AHI1: variants seen among roughly 807,000 people sequenced by gnomAD.
AHI1 encodes the protein jouberin.
AHI1 carries 123 observed loss-of-function variants against 149.3 expected under a neutral mutation model. That is an observed-to-expected ratio of 0.82 (90% CI 0.71 to 0.96). AHI1 has a LOEUF of 0.96. Ranked by LOEUF, AHI1 falls within the 40% of genes least tolerant of loss-of-function variation. The pLI is 0.00. For missense variants in AHI1, 1,439 were observed against 1,422.7 expected (o/e 1.01, Z -0.18); for synonymous variants, 475 against 459.8 (o/e 1.03, Z -0.42).
intron 23 of AHI1, among the ~76,000 whole-genome samples, chr6:135,366,533 C>T (rs759731749): frequency 6.6e-6 from 1 of 152,114 alleles, no homozygotes; most frequent in Non-Finnish European, 1.5e-5. Flanking sequence ...ATATTTCCAG[C>T]AATTTATCTA....
chr6:135,472,017 T>TAAAAAAAA (rs1791799145), intron 5 of AHI1, among the ~76,000 whole-genome samples: 1 of 14,234 alleles, frequency 7.0e-5, no homozygotes, highest in Non-Finnish European at 1.0e-4. Context: ...AGACTCCGTC[T>TAAAAAAAA]CAAAAAAAAA....
At chr6:135,371,319 C>T (rs1277358524) in intron 23 of AHI1, among the ~76,000 whole-genome samples, 1 of 152,136 alleles carries the variant, frequency 6.6e-6, no homozygotes, top group African/African-American at 2.4e-5. Context: ...ATCTTGGTTG[C>T]CTATATGTTA....
intron 20 of AHI1, among the ~76,000 whole-genome samples, chr6:135,418,762 T>C (rs975104921): frequency 1.3e-5 from 2 of 152,086 alleles, no homozygotes; most frequent in African/African-American, 4.8e-5. Context: ...TTTCATTATA[T>C]ATAGCCCTGT....
chr6:135,463,436 G>A, intron 7 of AHI1, 130 bp from the exon 8 acceptor site: 1 of 718,840 alleles, frequency 1.4e-6, no homozygotes, highest in Non-Finnish European at 2.1e-6. Context: ...TCTCTTGAGA[G>A]ATGCATGTAT....
At chr6:135,489,502 C>A (rs1020410497) in intron 5 of AHI1, among the ~76,000 whole-genome samples, 12 of 152,138 alleles carry the variant, frequency 7.9e-5, no homozygotes, top group Non-Finnish European at 1.8e-4. Flanking sequence ...TTTTGCCCAA[C>A]ATAAACCACT....
chr6:135,309,483 G>GT (rs534230013), intron 26 of AHI1, among the ~76,000 whole-genome samples: 2,321 of 139,520 alleles, frequency 0.017, 32 homozygotes, highest in South Asian at 0.047. Flanking sequence ...AAGCACTTTA[G>GT]TTTTTTTTTT....
At chr6:135,333,941 A>G (rs1379347373) in intron 24 of AHI1, among the ~76,000 whole-genome samples, 1 of 152,260 alleles carries the variant, frequency 6.6e-6, no homozygotes, top group Non-Finnish European at 1.5e-5. Flanking sequence ...ATAACATCAT[A>G]GCTTTATTGT....
chr6:135,353,160 C>T (rs553356438), intron 24 of AHI1, among the ~76,000 whole-genome samples: 6 of 152,106 alleles, frequency 3.9e-5, no homozygotes, highest in African/African-American at 1.2e-4. Context: ...TGTTATATTA[C>T]GGAAGACTAC....
Position 135,466,378 on chromosome 6 carries a change from G to C in AHI1, c.190-5C>G. The C allele has an allele frequency of 1.2e-6, 2 of 1,609,556 alleles. No individual in the cohort carries two copies. Among genetic ancestry groups the C allele is most frequent in the Non-Finnish European group, 1.7e-6 (2 of 1,177,590 alleles). Reference sequence around the variant, plus strand: ...ATTGCTTCTAATAGTGTCGGGCTAGGAAAAGAAGACATGATAACAAAGTTT... The same window carrying C: ...ATTGCTTCTAATAGTGTCGGGCTAGCAAAAGAAGACATGATAACAAAGTTT... On this transcript the variant is annotated splice_polypyrimidine_tract_variant and splice_region_variant and intron_variant, in intron 6 of 28. Coordinates refer to ENST00000265602, the MANE Select transcript of AHI1 (RefSeq NM_001134831.2).
intron 8 of AHI1, among the ~76,000 whole-genome samples, chr6:135,461,026 A>C (rs958924948): frequency 6.6e-6 from 1 of 150,978 alleles, no homozygotes; most frequent in Non-Finnish European, 1.5e-5. Flanking sequence ...GATTTCTTAA[A>C]TCACAGCACT....
intron 13 of AHI1, among the ~76,000 whole-genome samples, chr6:135,446,116 T>C (rs780339284): frequency 1.5e-4 from 23 of 152,016 alleles, no homozygotes; most frequent in Non-Finnish European, 2.8e-4. Context: ...ATCTATGTTA[T>C]CTGACTGCTG....
At chr6:135,461,156 G>C (rs899652609) in intron 8 of AHI1, among the ~76,000 whole-genome samples, 6 of 151,722 alleles carry the variant, frequency 4.0e-5, no homozygotes, top group Admixed American at 3.3e-4. Flanking sequence ...TATAAATGTG[G>C]GTAGGTATTT....
chr6:135,491,712 G>A (rs1795275100), intron 4 of AHI1, among the ~76,000 whole-genome samples: 1 of 152,158 alleles, frequency 6.6e-6, no homozygotes, highest in Non-Finnish European at 1.5e-5. Context: ...GAATGAATGG[G>A]TGCTCTAGAG....
At chr6:135,371,555 T>C (rs1775064891) in intron 23 of AHI1, among the ~76,000 whole-genome samples, 1 of 152,194 alleles carries the variant, frequency 6.6e-6, no homozygotes, top group Admixed American at 6.5e-5. Flanking sequence ...ATTCTTCTGC[T>C]CAGGGAAATT....
At chr6:135,378,353 T>C (rs1357626232) in intron 23 of AHI1, among the ~76,000 whole-genome samples, 1 of 152,230 alleles carries the variant, frequency 6.6e-6, no homozygotes, top group Non-Finnish European at 1.5e-5. Flanking sequence ...AATAATTTAA[T>C]TGTGCTAACC....
intron 28 of AHI1, among the ~76,000 whole-genome samples, chr6:135,290,035 G>A (rs1345914031): frequency 6.6e-6 from 1 of 151,914 alleles, no homozygotes; most frequent in African/African-American, 2.4e-5. Flanking sequence ...CACCGCAGAT[G>A]GCTCCTTCTC....
chr6:135,389,556 G>C (rs2614264), intron 23 of AHI1, among the ~76,000 whole-genome samples: 1 of 151,878 alleles, frequency 6.6e-6, no homozygotes. Flanking sequence ...TTTGGAGAAG[G>C]CAGAAGCTAT....
At chr6:135,363,886 C>CGG (rs1794395233) in intron 23 of AHI1, among the ~76,000 whole-genome samples, 2 of 139,330 alleles carry the variant, frequency 1.4e-5, no homozygotes, top group South Asian at 4.6e-4. Flanking sequence ...GCTGGCCGGA[C>CGG]GGGGGGCTGA....
At chr6:135,313,988 T>C (rs1251586569) in intron 26 of AHI1, among the ~76,000 whole-genome samples, 1 of 152,238 alleles carries the variant, frequency 6.6e-6, no homozygotes, top group Non-Finnish European at 1.5e-5. Context: ...CAGTTTTTAA[T>C]ACAGACTAAA....
Sources: allele counts gnomAD v4.1 joint callset (sites outside exome capture counted in the v4.1 genomes callset), GRCh38; gene constraint gnomAD v4.1.1; transcripts MANE v1.5; gene names NCBI Gene and HGNC (gene_info 2026-07-23, HGNC 2026-07-21).